Variants in CPLANE1 observed in about 807,000 individuals in gnomAD.
The protein encoded by CPLANE1 is ciliogenesis and planar polarity effector 1.
In CPLANE1, 263 loss-of-function variants were observed where a neutral mutation model predicts 362.5. The observed-to-expected ratio is 0.73, with a 90% CI of 0.66 to 0.80. CPLANE1 has a LOEUF of 0.80. CPLANE1 is among the 30% of genes least tolerant of loss of function. The probability of loss-of-function intolerance (pLI) is 0.00; values close to 1 mark genes in which losing one functional copy is unlikely to be tolerated. For synonymous variants in CPLANE1, 1,212 were observed against 1,302.6 expected (o/e 0.93, Z 1.50); for missense variants, 3,461 against 3,793.4 (o/e 0.91, Z 2.30).
In CPLANE1 at chr5:37,183,837, G is replaced by A. The variant is rs878885048; in HGVS notation, c.4482-138C>T. ...TGCCTCAATTACCTACATTTCAAATGAGGGAGTGGGACTAAATGATTTCTA... is the reference window on the plus strand; with the variant it reads ...TGCCTCAATTACCTACATTTCAAATAAGGGAGTGGGACTAAATGATTTCTA... On this transcript the variant is annotated intron_variant, in intron 25 of 52. Coordinates refer to ENST00000651892, the MANE Select transcript of CPLANE1 (RefSeq NM_001384732.1). 4.0e-5 allele frequency: 24 copies of A among 604,080 alleles called. No homozygotes were observed. In the South Asian group the frequency reaches 5.4e-4, roughly 13 times the overall value. The allele number at this position is 604,080 out of a possible 1,614,324, so 37.4% of individuals were successfully genotyped here.
At chr5:37,122,368 T>C in intron 48 of CPLANE1, 62 bp downstream of exon 48, 1 of 1,260,072 alleles carries the variant, frequency 7.9e-7, no homozygotes, top group Non-Finnish European at 1.2e-6. Flanking sequence ...CCTAAGGCAT[T>C]AATCTATGCC....
chr5:37,170,408 G>C, intron 32 of CPLANE1, 77 bp from the exon 33 acceptor site: 1 of 1,335,546 alleles, frequency 7.5e-7, no homozygotes, highest in Non-Finnish European at 1.0e-6. Context: ...AATCATCTGA[G>C]TATTCTACAA....
intron 52 of CPLANE1, among the ~76,000 whole-genome samples, chr5:37,108,075 G>A (rs1214941476): frequency 6.6e-6 from 1 of 152,146 alleles, no homozygotes; most frequent in East Asian, 1.9e-4. Context: ...TCATTTTTTA[G>A]TTAAAAAATA....
At chr5:37,160,036 AT>A (rs1308574793) in intron 38 of CPLANE1, among the ~76,000 whole-genome samples, 2 of 152,220 alleles carry the variant, frequency 1.3e-5, no homozygotes, top group Non-Finnish European at 1.5e-5. Context: ...ATAATTAGAT[AT>A]TATGCATAAA....
At chr5:37,196,623 T>C (rs1306934632) in intron 20 of CPLANE1, among the ~76,000 whole-genome samples, 1 of 152,118 alleles carries the variant, frequency 6.6e-6, no homozygotes, top group Non-Finnish European at 1.5e-5. Flanking sequence ...TTATGAAAGA[T>C]TCATTTCTAA....
chr5:37,228,703 T>C (rs1273797548), intron 9 of CPLANE1, among the ~76,000 whole-genome samples: 1 of 152,188 alleles, frequency 6.6e-6, no homozygotes, highest in East Asian at 1.9e-4. Context: ...TAATAATTGT[T>C]ACCTTTGAAG....
intron 8 of CPLANE1, among the ~76,000 whole-genome samples, chr5:37,237,621 T>G (rs1041898103): frequency 4.0e-5 from 6 of 149,200 alleles, no homozygotes; most frequent in African/African-American, 1.2e-4. Flanking sequence ...CCAAGGCGAG[T>G]GGATCACGAG....
At chr5:37,179,255 C>A in intron 29 of CPLANE1, 106 bp downstream of exon 29, 1 of 744,806 alleles carries the variant, frequency 1.3e-6, no homozygotes, top group Non-Finnish European at 2.2e-6. Context: ...TTTTTAAGAG[C>A]TAGCCCTGCT....
At chr5:37,245,447 A>C (rs1366452859) in intron 4 of CPLANE1, 32 bp downstream of exon 4, 1 of 1,405,902 alleles carries the variant, frequency 7.1e-7, no homozygotes, top group Admixed American at 3.3e-5. Flanking sequence ...TTTCCTAGTT[A>C]AACCAACTTA....
chr5:37,164,249 T>C, intron 37 of CPLANE1, 24 bp downstream of exon 37: 7 of 1,562,574 alleles, frequency 4.5e-6, no homozygotes, highest in Non-Finnish European at 6.2e-6. Flanking sequence ...ACTTAGACAT[T>C]ACATTAATCA....
At chr5:37,202,308 C>A (rs1446159140) in intron 18 of CPLANE1, among the ~76,000 whole-genome samples, 2 of 151,906 alleles carry the variant, frequency 1.3e-5, no homozygotes, top group Non-Finnish European at 2.9e-5. Context: ...ATTACAGGCA[C>A]ACACTATCCA....
In CPLANE1 at chr5:37,170,239, C is replaced by G. The variant is rs1336621934; in HGVS notation, c.6264G>C (p.Gln2088His). The G allele has an allele frequency of 1.9e-6, 3 of 1,614,156 alleles. No homozygotes were observed. The highest frequency in any genetic ancestry group is 1.7e-4 in the Middle Eastern group (1 of 6,060). ...PDTQQLVQQS[Q>H]SVHLGESQES... Reference sequence around the variant, plus strand: ...CTTGGCTTTCCCCTAAATGCACAGACTGAGACTGCTGTACAAGTTGTTGTG... The same window carrying G: ...CTTGGCTTTCCCCTAAATGCACAGAGTGAGACTGCTGTACAAGTTGTTGTG... Residue 2088 changes from glutamine to histidine, a missense_variant, in exon 33 of 53, where the codon CAG becomes CAC. By Grantham distance (24) the Gln-to-His change is conservative. Transcript: ENST00000651892.
At chr5:37,199,232 G>A (rs564898898) in intron 19 of CPLANE1, among the ~76,000 whole-genome samples, 20 of 151,740 alleles carry the variant, frequency 1.3e-4, no homozygotes, top group Non-Finnish European at 2.5e-4. Flanking sequence ...TTCTAGAATT[G>A]AGAAATGTTA....
intron 34 of CPLANE1, 83 bp from the exon 35 acceptor site, chr5:37,167,296 C>T (rs1778518694): frequency 5.4e-6 from 6 of 1,101,166 alleles, no homozygotes; most frequent in Non-Finnish European, 7.8e-6. Context: ...AGGAAAAATA[C>T]ATTTGTTTAA....
In CPLANE1 at chr5:37,244,569, C is replaced by T; in HGVS notation, c.376G>A (p.Gly126Arg). ...GGTGTTATGAGCACAATTCTTTTCC[C>T]ATTTCCAGATACATACAAGTACAGT... is the stretch of plus-strand genomic sequence containing the variant. Reference protein sequence around the residue: ...LRLYLYVSGNGKRIVLITPSG... With the variant: ...LRLYLYVSGNRKRIVLITPSG... Residue 126 changes from glycine to arginine, a missense_variant, in exon 5 of 53, where the codon GGG (glycine) becomes AGG (arginine). Physicochemically the swap from Gly to Arg is moderately radical, Grantham distance 125. Coordinates refer to ENST00000651892, the MANE Select transcript of CPLANE1 (RefSeq NM_001384732.1). The T allele has an allele frequency of 6.4e-7, 1 of 1,551,290 alleles. No homozygotes were observed. Among genetic ancestry groups the T allele is most frequent in the South Asian group, 1.2e-5 (1 of 84,004 alleles).
chr5:37,208,368 T>C (rs1791438141), intron 16 of CPLANE1, among the ~76,000 whole-genome samples: 1 of 152,246 alleles, frequency 6.6e-6, no homozygotes, highest in South Asian at 2.1e-4. Flanking sequence ...TATCCAACTC[T>C]TTTTTGTTAT....
At chr5:37,190,688 T>A (rs1785283159) in intron 21 of CPLANE1, among the ~76,000 whole-genome samples, 3 of 152,328 alleles carry the variant, frequency 2.0e-5, no homozygotes, top group Admixed American at 2.0e-4. Flanking sequence ...AGATGCCACA[T>A]AATGGCACTC....
chr5:37,188,010 G>A lies in CPLANE1; in HGVS notation c.3812-168C>T, dbSNP rs1203362451. 2.6e-5 allele frequency among the ~76,000 whole-genome samples: 4 copies of A among 152,032 alleles called. No homozygotes were observed. The South Asian group carries it at 6.2e-4, about 24-fold the overall frequency. ...TTTATATAAAAGTCCTTATATAAAA[G>A]TCATGGAGATTGACTTATAAGTCAC... On this transcript the variant is annotated intron_variant, in intron 21 of 52. Transcript: ENST00000651892.
chr5:37,224,254 T>C lies in CPLANE1; in HGVS notation c.2580A>G (p.Lys860=). Reference sequence around the variant, plus strand: ...ACATATTTTTTAACACTCTCTTACCTTTCTCTTCGATTTCTTGTAGAGCTT... The same window carrying C: ...ACATATTTTTTAACACTCTCTTACCCTTCTCTTCGATTTCTTGTAGAGCTT... The part of the protein sequence containing the change: ...WKKALQEIEE[K]GGRRTYFLQI... Residue 860 remains lysine, a splice_region_variant and synonymous_variant, in exon 14 of 53, where the codon AAA becomes AAG. Coordinates refer to ENST00000651892, the MANE Select transcript of CPLANE1 (RefSeq NM_001384732.1). The C allele has an allele frequency of 6.5e-7, 1 of 1,544,038 alleles. No homozygotes were observed. Among genetic ancestry groups the C allele is most frequent in the Non-Finnish European group, 8.8e-7 (1 of 1,141,338 alleles).
Sources: allele counts gnomAD v4.1 joint callset (sites outside exome capture counted in the v4.1 genomes callset), GRCh38; gene constraint gnomAD v4.1.1; transcripts MANE v1.5; gene names NCBI Gene and HGNC (gene_info 2026-07-23, HGNC 2026-07-21).